The following CNTNAP2 variants were observed in gnomAD, a reference collection of about 807,000 sequenced individuals.
The protein encoded by CNTNAP2 is contactin associated protein 2, also known as contactin-associated protein-like 2.
In CNTNAP2, 98 loss-of-function variants were observed where a neutral mutation model predicts 155.2. The ratio of observed to expected loss-of-function variants is 0.63; its 90% CI spans 0.54 to 0.75. The LOEUF (loss-of-function observed/expected upper bound fraction) is 0.75. CNTNAP2 is among the 30% of genes least tolerant of loss of function. The probability of loss-of-function intolerance (pLI) is 0.00; values close to 1 mark genes in which losing one functional copy is unlikely to be tolerated. For missense variants in CNTNAP2, 1,727 were observed against 1,688.1 expected, an observed-to-expected ratio of 1.02 and a Z score of -0.40; for synonymous variants, 651 against 631.2, an observed-to-expected ratio of 1.03 and a Z score of -0.47.
intron 1 of CNTNAP2, among the ~76,000 whole-genome samples, chr7:146,706,243 A>T (rs866991980): frequency 3.9e-5 from 6 of 152,166 alleles, no homozygotes; most frequent in Non-Finnish European, 4.4e-5. Flanking sequence ...GTGTGTTCTC[A>T]TGGATTCTCA....
chr7:147,688,178 G>A (rs73741221), intron 13 of CNTNAP2, among the ~76,000 whole-genome samples: 4,450 of 151,904 alleles, frequency 0.029, 224 homozygotes, highest in African/African-American at 0.1. Flanking sequence ...ACCATTTGAC[G>A]CATTCCTGGG....
chr7:146,428,550 G>A (rs1344644269), intron 1 of CNTNAP2, among the ~76,000 whole-genome samples: 1 of 151,742 alleles, frequency 6.6e-6, no homozygotes, highest in Non-Finnish European at 1.5e-5. Context: ...GTCTTCTCTG[G>A]AGAAGTATCT....
chr7:148,151,674 C>G (rs1247841144), intron 17 of CNTNAP2, among the ~76,000 whole-genome samples: 1 of 152,120 alleles, frequency 6.6e-6, no homozygotes, highest in Non-Finnish European at 1.5e-5. Flanking sequence ...CTTCTTCCTC[C>G]ATGTAATAGT....
chr7:147,907,414 A>T (rs1424041622), intron 14 of CNTNAP2, among the ~76,000 whole-genome samples: 1 of 152,178 alleles, frequency 6.6e-6, no homozygotes, highest in African/African-American at 2.4e-5. Flanking sequence ...AGCACAAGAA[A>T]GAATGCTCTT....
chr7:147,222,948 T>A (rs1803439288), intron 8 of CNTNAP2, among the ~76,000 whole-genome samples: 1 of 152,090 alleles, frequency 6.6e-6, no homozygotes, highest in African/African-American at 2.4e-5. Context: ...GGTTAACCAG[T>A]TTCTCCTGAA....
intron 1 of CNTNAP2, among the ~76,000 whole-genome samples, chr7:146,591,292 G>A: frequency 6.6e-6 from 1 of 152,122 alleles, no homozygotes; most frequent in East Asian, 1.9e-4. Flanking sequence ...CATTTCGGAT[G>A]AGGGATACTC....
intron 3 of CNTNAP2, among the ~76,000 whole-genome samples, chr7:146,900,366 T>G (rs1214153588): frequency 1.3e-5 from 2 of 152,210 alleles, no homozygotes; most frequent in East Asian, 3.8e-4. Context: ...CTAAATAGCC[T>G]TCCTGCTTCT....
At chr7:147,397,863 T>A (rs748626305) in intron 10 of CNTNAP2, among the ~76,000 whole-genome samples, 1 of 152,014 alleles carries the variant, frequency 6.6e-6, no homozygotes, top group Non-Finnish European at 1.5e-5. Context: ...CCTTTCTTAT[T>A]CTTTAGGATG....
chr7:147,447,093 A>G (rs1034927079), intron 10 of CNTNAP2, among the ~76,000 whole-genome samples: 2 of 152,178 alleles, frequency 1.3e-5, no homozygotes, highest in East Asian at 1.9e-4. Flanking sequence ...TGACTTCTAT[A>G]TGAAGAAGAG....
intron 1 of CNTNAP2, among the ~76,000 whole-genome samples, chr7:146,635,492 G>A (rs945100589): frequency 2.0e-5 from 3 of 152,134 alleles, no homozygotes; most frequent in Non-Finnish European, 4.4e-5. Flanking sequence ...AGGAGGTGGG[G>A]TAGTCAATCG....
intron 1 of CNTNAP2, among the ~76,000 whole-genome samples, chr7:146,733,943 C>A (rs554073106): frequency 5.0e-4 from 76 of 152,200 alleles, no homozygotes; most frequent in Admixed American, 4.2e-3. Context: ...AACCCATCTC[C>A]TTACCCTCTC....
chr7:147,017,451 A>T (rs1221181224), intron 3 of CNTNAP2, among the ~76,000 whole-genome samples: 1 of 152,092 alleles, frequency 6.6e-6, no homozygotes, highest in African/African-American at 2.4e-5. Flanking sequence ...AATATATGCT[A>T]TAACTGCCTA....
At chr7:147,362,701 C>G (rs1796165373) in intron 9 of CNTNAP2, among the ~76,000 whole-genome samples, 1 of 151,820 alleles carries the variant, frequency 6.6e-6, no homozygotes, top group African/African-American at 2.4e-5. Flanking sequence ...TATCTGTGTC[C>G]CTTCAAAAAC....
At chr7:147,765,385 A>C (rs1797367441) in intron 13 of CNTNAP2, among the ~76,000 whole-genome samples, 1 of 152,194 alleles carries the variant, frequency 6.6e-6, no homozygotes, top group Non-Finnish European at 1.5e-5. Flanking sequence ...CATATCAATT[A>C]ATCATTGGGC....
At chr7:148,166,725 T>C (rs1294747450) in intron 17 of CNTNAP2, among the ~76,000 whole-genome samples, 1 of 152,226 alleles carries the variant, frequency 6.6e-6, no homozygotes, top group Non-Finnish European at 1.5e-5. Context: ...GTCTGACTAA[T>C]GTGCGTGAAG....
intron 21 of CNTNAP2, among the ~76,000 whole-genome samples, chr7:148,337,957 A>G (rs1306121759): frequency 6.6e-6 from 1 of 152,216 alleles, no homozygotes; most frequent in Non-Finnish European, 1.5e-5. Flanking sequence ...TTTACATACG[A>G]TAAAATCCAC....
At chr7:147,840,469 G>A (rs1159299304) in intron 13 of CNTNAP2, among the ~76,000 whole-genome samples, 1 of 152,138 alleles carries the variant, frequency 6.6e-6, no homozygotes. Flanking sequence ...AGCATGTCCA[G>A]GTAGCTCTAG....
At chr7:147,396,897 C>T (rs1268680845) in intron 10 of CNTNAP2, among the ~76,000 whole-genome samples, 2 of 151,894 alleles carry the variant, frequency 1.3e-5, no homozygotes, top group African/African-American at 2.4e-5. Context: ...TCTCAGTCTA[C>T]CCACAACAAA....
At chr7:147,489,878 G>T in intron 11 of CNTNAP2, among the ~76,000 whole-genome samples, 1 of 152,132 alleles carries the variant, frequency 6.6e-6, no homozygotes, top group South Asian at 2.1e-4. Flanking sequence ...GCCTCCCAAA[G>T]TGCTGGGATT....
Sources: allele counts gnomAD v4.1 joint callset (sites outside exome capture counted in the v4.1 genomes callset), GRCh38; gene constraint gnomAD v4.1.1; transcripts MANE v1.5; gene names NCBI Gene and HGNC (gene_info 2026-07-23, HGNC 2026-07-21).